The following HK1 variants were observed in gnomAD, a reference collection of about 807,000 sequenced individuals.
HK1 encodes the protein hexokinase-1.
Under a neutral mutation model 91.6 loss-of-function variants are expected in HK1, and 28 were observed. The observed-to-expected ratio is 0.31, with a 90% CI of 0.23 to 0.42. The LOEUF is 0.42. Ranked by LOEUF, HK1 falls within the 10% of genes least tolerant of loss-of-function variation. The pLI is 1.00. For synonymous variants in HK1, 430 were observed against 468.1 expected (o/e 0.92, Z 1.05); for missense variants, 770 against 1,219.8 (o/e 0.63, Z 5.49).
chr10:69,357,329 A>G (rs1849183517), intron 2 of HK1, among the ~76,000 whole-genome samples: 1 of 152,244 alleles, frequency 6.6e-6, no homozygotes, highest in Non-Finnish European at 1.5e-5. Context: ...AATGTGTTAT[A>G]TCTATAGAGT....
At chr10:69,384,068 G>A (rs1839517670) in intron 10 of HK1, among the ~76,000 whole-genome samples, 1 of 152,224 alleles carries the variant, frequency 6.6e-6, no homozygotes, top group African/African-American at 2.4e-5. Flanking sequence ...GATTTTCATT[G>A]TTGCAGCCCT....
chr10:69,309,277 G>A (rs1167391171), intron 5 of HK1, among the ~76,000 whole-genome samples: 4 of 150,698 alleles, frequency 2.7e-5, no homozygotes, highest in Non-Finnish European at 5.9e-5. Context: ...CGCCTGCTGG[G>A]TTCACGCCAT....
rs12254694 is a variant in HK1, at chr10:69,382,356, C to T, written c.1266-131C>T. 4.0e-3 allele frequency: 3,911 copies of T among 969,212 alleles called. 104 individuals carry two copies. In the African/African-American group the frequency reaches 0.057, roughly 14 times the overall value. The allele number at this position is 969,212 out of a possible 1,614,324, so 60.0% of individuals were successfully genotyped here. On this transcript the variant is annotated intron_variant, in intron 9 of 17. Transcript: ENST00000359426. ...TGCCATTGCACTCCAGCCTGGGTGA[C>T]AGAGCAAGACCCTGTCTCAAAAAAA...
chr10:69,395,162 T>G, intron 16 of HK1, 57 bp downstream of exon 16: 2 of 1,558,282 alleles, frequency 1.3e-6, no homozygotes, highest in Non-Finnish European at 1.8e-6. Flanking sequence ...GCCTGGCTGG[T>G]GGATTGTGAT....
In HK1 at chr10:69,359,942, G is replaced by C; in HGVS notation, c.272G>C (p.Arg91Pro). 6.2e-7 allele frequency: 1 copy of C among 1,614,074 alleles called. No homozygotes were observed. Among genetic ancestry groups the C allele is most frequent in the Non-Finnish European group, 8.5e-7 (1 of 1,179,976 alleles). ...CTGGATCTTGGTGGGTCTTCCTTTC[G>C]AATTCTGCGGGTGCAAGTGAATCAT... ...IALDLGGSSF[R>P]ILRVQVNHEK... is the part of the protein sequence containing the mutation. The change falls in exon 3 of 18, where the codon CGA (arginine) becomes CCA (proline). Residue 91 changes from arginine to proline, a missense_variant. This residue lies in a region of HK1 where 449 missense variants were observed against 665.1 expected (regional missense o/e 0.68). Transcript: ENST00000359426.
intron 1 of HK1, among the ~76,000 whole-genome samples, chr10:69,341,032 C>T (rs1848263286): frequency 2.0e-5 from 3 of 152,180 alleles, no homozygotes; most frequent in South Asian, 4.1e-4. Flanking sequence ...TCCCTGCAGA[C>T]CCAGGGCACT....
intron 3 of HK1, among the ~76,000 whole-genome samples, chr10:69,362,227 T>C (rs1849460063): frequency 6.6e-6 from 1 of 152,112 alleles, no homozygotes; most frequent in Admixed American, 6.5e-5. Context: ...TGAGTCTTTA[T>C]TTTTATTTTA....
At chr10:69,276,138 T>TATATATATATATATATACACAC (rs753204633) in intron 1 of HK1, among the ~76,000 whole-genome samples, 6 of 76,428 alleles carry the variant, frequency 7.9e-5, no homozygotes, top group African/African-American at 1.6e-4. Context: ...TATATATATA[T>TATATATATATATATATACACAC]ACACATATAT....
exon 2 of HK1, chr10:69,282,581 G>C (rs1844803048): frequency 6.6e-6 from 1 of 152,202 alleles, no homozygotes. Context: ...TTCCTGAGAA[G>C]GAAAAGAGTC....
intron 16 of HK1, among the ~76,000 whole-genome samples, chr10:69,396,012 C>T (rs1840118150): frequency 6.6e-6 from 1 of 152,122 alleles, no homozygotes; most frequent in South Asian, 2.1e-4. Context: ...TGGCTCATGC[C>T]TGTAATCTCA....
At chr10:69,377,504 C>T (rs1287207846) in intron 8 of HK1, among the ~76,000 whole-genome samples, 5 of 152,040 alleles carry the variant, frequency 3.3e-5, no homozygotes, top group Admixed American at 3.3e-4. Flanking sequence ...GTCTGGAGAC[C>T]TCCAGACTGT....
At position 69,364,893 on chromosome 10, in the gene HK1, A is replaced by G. The variant is rs770682466; in HGVS notation, c.486A>G (p.Lys162=). The part of the protein sequence containing the change: ...FTFSFPCQQS[K]IDEAILITWT... Reference sequence around the variant, plus strand: ...TTTCTTTTCCTTGCCAACAATCCAAAATAGATGAGGTAAGGATGTTCTGGG... The same window carrying G: ...TTTCTTTTCCTTGCCAACAATCCAAGATAGATGAGGTAAGGATGTTCTGGG... Residue 162 remains lysine (K), a synonymous_variant, in exon 4 of 18, where the codon AAA becomes AAG. Transcript: ENST00000359426. 6.2e-6 allele frequency: 10 copies of G among 1,614,082 alleles called. No homozygotes were observed. The South Asian group carries it at 1.1e-4, about 18-fold the overall frequency.
upstream of HK1, among the ~76,000 whole-genome samples, chr10:69,310,932 C>T (rs1257139787): frequency 6.6e-6 from 1 of 152,096 alleles, no homozygotes; most frequent in Admixed American, 6.6e-5. Context: ...TGGCAGGCAC[C>T]TGTAATCCCA....
chr10:69,348,993 C>G (rs7093863), intron 2 of HK1, among the ~76,000 whole-genome samples: 20,289 of 151,958 alleles, frequency 0.13, 1,534 homozygotes, highest in South Asian at 0.26. Flanking sequence ...GCCAGTAGCC[C>G]TTCGGATGTG....
intron 3 of HK1, 68 bp from the exon 4 acceptor site, chr10:69,364,715 G>T (rs775373272): frequency 1.3e-6 from 2 of 1,588,568 alleles, no homozygotes. Flanking sequence ...GGAGGGAATG[G>T]TTTATATTTT....
intron 1 of HK1, among the ~76,000 whole-genome samples, chr10:69,274,589 C>CAA (rs749051012): frequency 1.2e-4 from 13 of 111,214 alleles, no homozygotes; most frequent in African/African-American, 3.5e-4. Context: ...AACTCTGTCT[C>CAA]AAAAAAAAAA....
chr10:69,367,762 C>A (rs1029675030), intron 4 of HK1, among the ~76,000 whole-genome samples: 1 of 152,108 alleles, frequency 6.6e-6, no homozygotes, highest in Admixed American at 6.5e-5. Context: ...TAGTGACTTG[C>A]CCCATTCAGA....
intron 2 of HK1, among the ~76,000 whole-genome samples, chr10:69,352,676 G>T (rs532359914): frequency 2.6e-4 from 39 of 152,316 alleles, no homozygotes; most frequent in African/African-American, 8.9e-4. Flanking sequence ...AGGGGCATCT[G>T]TAGAGCAGAA....
intron 2 of HK1, among the ~76,000 whole-genome samples, chr10:69,346,908 A>G (rs1011420948): frequency 9.9e-5 from 15 of 152,206 alleles, no homozygotes; most frequent in Non-Finnish European, 1.9e-4. Flanking sequence ...TGTTGGCTGA[A>G]AAATCAGCTC....
Sources: gnomAD v4.1 joint callset for allele counts (sites outside exome capture counted in the v4.1 genomes callset) on GRCh38, gnomAD v4.1.1 for gene constraint, gnomAD v4.1.1 regional missense constraint, MANE v1.5 for transcripts, NCBI Gene and HGNC (gene_info 2026-07-23, HGNC 2026-07-21) for gene names.